The following FAM53A variants were observed in gnomAD, a reference collection of about 807,000 sequenced individuals.
FAM53A encodes family with sequence similarity 53 member A.
A neutral mutation model predicts 26.6 loss-of-function variants in FAM53A; 28 were observed. The ratio of observed to expected loss-of-function variants is 1.05; its 90% CI spans 0.78 to 1.45. FAM53A has a LOEUF of 1.45. FAM53A is among the 40% of genes most tolerant of loss of function. FAM53A has a pLI of 0.00. For synonymous variants in FAM53A, 290 were observed against 253.1 expected, an observed-to-expected ratio of 1.15 and a Z score of -1.38; for missense variants, 650 against 575.8, an observed-to-expected ratio of 1.13 and a Z score of -1.32.
At chr4:1,605,585 A>C in the FAM53A span, among the ~76,000 whole-genome samples, 3 of 151,882 alleles carry the variant, frequency 2.0e-5, no homozygotes, top group Non-Finnish European at 4.4e-5. This position sits in a 1 kb window ranked among gnomAD's most constrained non-coding sequence, Gnocchi z 5.7. Context: ...CACACTTCCC[A>C]TCCCTCCTCT....
chr4:1,619,875 C>G (rs1714952557), intron 1 of FAM53A, among the ~76,000 whole-genome samples: 1 of 152,194 alleles, frequency 6.6e-6, no homozygotes, highest in Admixed American at 6.5e-5. Flanking sequence ...CTAAGCTGTC[C>G]TCTCTCGCCT....
intron 4 of FAM53A, 71 bp downstream of exon 4, chr4:1,654,907 C>T: frequency 6.9e-7 from 1 of 1,447,632 alleles, no homozygotes; most frequent in Non-Finnish European, 9.1e-7. Context: ...AGAGAATCAG[C>T]CAGCCTCACC....
At chr4:1,577,564 G>A in the FAM53A span, among the ~76,000 whole-genome samples, 29 of 152,204 alleles carry the variant, frequency 1.9e-4, no homozygotes, top group African/African-American at 4.6e-4. Flanking sequence ...GCCATCCGGC[G>A]TTTGTGTAGA....
At chr4:1,642,226 C>T (rs1711777330) in intron 4 of FAM53A, among the ~76,000 whole-genome samples, 1 of 152,194 alleles carries the variant, frequency 6.6e-6, no homozygotes, top group Admixed American at 6.5e-5. Flanking sequence ...AATAGAAACA[C>T]ATGCAAATCC....
chr4:1,643,095 C>G (rs973332427), intron 4 of FAM53A, among the ~76,000 whole-genome samples: 2 of 152,222 alleles, frequency 1.3e-5, no homozygotes, highest in Non-Finnish European at 2.9e-5. Flanking sequence ...GGAAACACTT[C>G]CAGCGACTGA....
intron 1 of FAM53A, among the ~76,000 whole-genome samples, chr4:1,620,003 T>C (rs1187135328): frequency 6.6e-6 from 1 of 150,494 alleles, no homozygotes; most frequent in African/African-American, 2.5e-5. Flanking sequence ...AGGTCAGGAG[T>C]TCGAGACCAG....
intron 1 of FAM53A, chr4:1,683,876 G>T (rs571355761): frequency 2.0e-4 from 30 of 152,356 alleles, no homozygotes; most frequent in African/African-American, 7.2e-4. Flanking sequence ...GGAATCCGCC[G>T]CAAGTCCCCT....
chr4:1,634,619 C>G (rs971112724), intron 1 of FAM53A, among the ~76,000 whole-genome samples: 2 of 152,112 alleles, frequency 1.3e-5, no homozygotes, highest in Admixed American at 6.5e-5. Context: ...ATCTGGGGGC[C>G]AGGCATGGTG....
intron 1 of FAM53A, among the ~76,000 whole-genome samples, chr4:1,631,965 C>T (rs969643249): frequency 1.3e-5 from 2 of 152,084 alleles, no homozygotes; most frequent in African/African-American, 4.8e-5. Flanking sequence ...GAGTCTGAGA[C>T]CAGCCTGGCC....
intron 2 of FAM53A, among the ~76,000 whole-genome samples, chr4:1,667,651 C>A (rs544061984): frequency 6.6e-6 from 1 of 152,288 alleles, no homozygotes; most frequent in African/African-American, 2.4e-5. Context: ...ATGGGTCACA[C>A]GTGCCCAGTC....
intron 1 of FAM53A, among the ~76,000 whole-genome samples, chr4:1,633,798 G>A (rs1715717900): frequency 6.6e-6 from 1 of 151,778 alleles, no homozygotes; most frequent in Non-Finnish European, 1.5e-5. Context: ...TCACAAAACT[G>A]ACCATTCTCC....
intron 1 of FAM53A, among the ~76,000 whole-genome samples, chr4:1,625,709 C>A (rs1364573182): frequency 2.1e-5 from 3 of 145,426 alleles, no homozygotes; most frequent in Admixed American, 1.4e-4. Flanking sequence ...TACGTACCAG[C>A]CCATGTGGTC....
intron 1 of FAM53A, among the ~76,000 whole-genome samples, chr4:1,631,389 G>A (rs999239469): frequency 6.6e-6 from 1 of 152,234 alleles, no homozygotes; most frequent in Non-Finnish European, 1.5e-5. Context: ...CCAGCTTGCA[G>A]CCCAGGCCGT....
intron 1 of FAM53A, among the ~76,000 whole-genome samples, chr4:1,680,909 C>T (rs574970332): frequency 1.4e-4 from 21 of 152,212 alleles, no homozygotes; most frequent in African/African-American, 4.8e-4. Flanking sequence ...TGACAAAGGT[C>T]ATTACACATT....
chr4:1,643,327 G>C (rs1018728891), intron 4 of FAM53A, among the ~76,000 whole-genome samples: 1 of 151,814 alleles, frequency 6.6e-6, no homozygotes, highest in Admixed American at 6.6e-5. Flanking sequence ...TTAACCAGGC[G>C]TGGTGGCGGG....
At chr4:1,649,017 G>A (rs1041159353) in intron 4 of FAM53A, among the ~76,000 whole-genome samples, 25 of 152,130 alleles carry the variant, frequency 1.6e-4, no homozygotes, top group Non-Finnish European at 3.2e-4. Context: ...GGAAGCTGAC[G>A]CAGGAGAATC....
chr4:1,647,927 A>C (rs1170850437), intron 4 of FAM53A, among the ~76,000 whole-genome samples: 1 of 152,226 alleles, frequency 6.6e-6, no homozygotes, highest in African/African-American at 2.4e-5. Flanking sequence ...GAAGTGGCAA[A>C]GCCTGGGCCT....
rs1713680860 is a variant in FAM53A at position 1,659,626 on chromosome 4, C to T, written c.76-2158G>A. On this transcript the variant is annotated intron_variant, in intron 2 of 4. Coordinates refer to ENST00000308132, the MANE Select transcript of FAM53A (RefSeq NM_001174070.3). This position sits in a 1 kb window ranked among gnomAD's most constrained non-coding sequence, Gnocchi z 5.2. ...TGCAGCAGACAAACAGAGCCAGGGT[C>T]CCCGGGAGACAGGAAAGGCTGGGCA... Among the ~76,000 whole-genome samples the T allele has an allele frequency of 6.6e-6, 1 of 152,016 alleles. No homozygotes were observed. The highest frequency in any genetic ancestry group is 1.5e-5 in the Non-Finnish European group (1 of 68,018).
chr4:1,616,895 G>A (rs966496966), downstream of FAM53A, among the ~76,000 whole-genome samples: 3 of 152,202 alleles, frequency 2.0e-5, no homozygotes, highest in Non-Finnish European at 2.9e-5. Context: ...CCGGCACTCT[G>A]GGAGGCCGAA....
Sources: gnomAD v4.1 joint callset for allele counts (sites outside exome capture counted in the v4.1 genomes callset) on GRCh38, gnomAD v4.1.1 for gene constraint, Gnocchi (gnomAD v3.1) non-coding constraint, MANE v1.5 for transcripts, NCBI Gene and HGNC (gene_info 2026-07-23, HGNC 2026-07-21) for gene names.